VEGFC: variants seen among roughly 807,000 people sequenced by gnomAD.
VEGFC encodes FLT4 ligand DHM.
A neutral mutation model predicts 46.1 loss-of-function variants in VEGFC; 12 were observed. The observed-to-expected ratio is 0.26, with a 90% CI of 0.17 to 0.42. The LOEUF (loss-of-function observed/expected upper bound fraction) is 0.42, where lower values mean the gene tolerates loss of function less well. Among genes scored for constraint, VEGFC ranks in the 10% least tolerant of loss-of-function variants. The pLI, the probability that VEGFC is intolerant of heterozygous loss-of-function variation, is 1.00. For missense variants in VEGFC, 488 were observed against 529.4 expected, an observed-to-expected ratio of 0.92 and a Z score of 0.77; for synonymous variants, 232 against 195.5, an observed-to-expected ratio of 1.19 and a Z score of -1.56.
chr4:176,719,076 G>A (rs1196937139), intron 3 of VEGFC, among the ~76,000 whole-genome samples: 2 of 152,174 alleles, frequency 1.3e-5, no homozygotes, highest in Non-Finnish European at 2.9e-5. Flanking sequence ...ACTTTGGAAT[G>A]CACAGTGCAT....
At chr4:176,728,610 G>A (rs966339404) in intron 2 of VEGFC, among the ~76,000 whole-genome samples, 2 of 152,078 alleles carry the variant, frequency 1.3e-5, no homozygotes, top group Non-Finnish European at 2.9e-5. Context: ...TGTTTCTGAT[G>A]AGTTAGTAGC....
chr4:176,708,298 A>G (rs1579098530), intron 4 of VEGFC, among the ~76,000 whole-genome samples: 4 of 152,000 alleles, frequency 2.6e-5, no homozygotes, highest in Non-Finnish European at 5.9e-5. Flanking sequence ...CCTGGCAAAT[A>G]CAATTATAAA....
rs370593251 is a variant in VEGFC, at chr4:176,692,487, G to A, written c.705-4560C>T. Among the ~76,000 whole-genome samples the A allele has an allele frequency of 5.9e-5, 8 of 134,572 alleles. 3 individuals are homozygous for A. Among genetic ancestry groups the A allele is most frequent in the Non-Finnish European group, 1.1e-4 (7 of 66,332 alleles). 88.3% of individuals were successfully genotyped at this position (134,572 alleles called of 152,430 possible). The stretch of plus-strand genomic sequence containing the variant: ...GGCTCGAGGGTCCTACGCCCACGGA[G>A]TCTCGCTGATTGCTAGCACAGCAGT... On this transcript the variant is annotated intron_variant, in intron 4 of 6. Coordinates refer to ENST00000618562, the MANE Select transcript of VEGFC (RefSeq NM_005429.5).
At chr4:176,696,165 A>G (rs1439033769) in intron 4 of VEGFC, among the ~76,000 whole-genome samples, 1 of 144,432 alleles carries the variant, frequency 6.9e-6, no homozygotes, top group African/African-American at 2.6e-5. Flanking sequence ...AATAAAGGGT[A>G]TTCAATTAGG....
At chr4:176,710,433 T>C (rs1368002947) in intron 4 of VEGFC, among the ~76,000 whole-genome samples, 1 of 152,122 alleles carries the variant, frequency 6.6e-6, no homozygotes, top group Non-Finnish European at 1.5e-5. Flanking sequence ...AGGGGACAGA[T>C]CTCTGTCACT....
At chr4:176,753,566 G>T (rs972502119) in intron 1 of VEGFC, among the ~76,000 whole-genome samples, 1 of 152,092 alleles carries the variant, frequency 6.6e-6, no homozygotes, top group Non-Finnish European at 1.5e-5. Flanking sequence ...GAAATTGAGA[G>T]TTAGAACAGT....
At chr4:176,704,396 T>A (rs1380507505) in intron 4 of VEGFC, among the ~76,000 whole-genome samples, 1 of 152,144 alleles carries the variant, frequency 6.6e-6, no homozygotes, top group Non-Finnish European at 1.5e-5. Flanking sequence ...TGTTAAAAAC[T>A]CAGTTCTCCT....
At position 176,729,577 on chromosome 4, in the gene VEGFC, G is replaced by C; in HGVS notation, c.317C>G (p.Thr106Ser). The C allele has an allele frequency of 6.2e-7, 1 of 1,613,634 alleles. No individual in the cohort carries two copies. Among genetic ancestry groups the C allele is most frequent in the Non-Finnish European group, 8.5e-7 (1 of 1,179,882 alleles). Residue 106 changes from threonine (T) to serine (S), a missense_variant, in exon 2 of 7, where the codon ACT becomes AGT. Transcript: ENST00000618562. Reference protein sequence around the residue: ...QANLNSRTEETIKFAAAHYNT... With the variant: ...QANLNSRTEESIKFAAAHYNT... Reference sequence around the variant, plus strand: ...ATAATGTGCTGCAGCAAATTTTATAGTCTCTTCTGTCCTTGAGTTGAGGTT... The same window carrying C: ...ATAATGTGCTGCAGCAAATTTTATACTCTCTTCTGTCCTTGAGTTGAGGTT...
intron 1 of VEGFC, among the ~76,000 whole-genome samples, chr4:176,785,035 A>AGTCACTGAAACAGTGAAACTCACT (rs1179309584): frequency 1.3e-5 from 2 of 152,052 alleles, no homozygotes; most frequent in African/African-American, 2.4e-5. Context: ...GACTGAAACA[A>AGTCACTGAAACAGTGAAACTCACT]GCAGAAATAT....
At chr4:176,693,871 CA>C (rs1214885087) in intron 4 of VEGFC, among the ~76,000 whole-genome samples, 1 of 150,806 alleles carries the variant, frequency 6.6e-6, no homozygotes, top group Non-Finnish European at 1.5e-5. Context: ...CATATCCAGC[CA>C]AAATAAGCTT....
At chr4:176,715,047 TA>T (rs35673515) in intron 3 of VEGFC, among the ~76,000 whole-genome samples, 9,002 of 152,196 alleles carry the variant, frequency 0.059, 904 homozygotes, top group African/African-American at 0.2. Context: ...TGAAGACTTT[TA>T]TAAGTGGTAA....
At chr4:176,694,101 A>G (rs1424689422) in intron 4 of VEGFC, among the ~76,000 whole-genome samples, 2 of 151,764 alleles carry the variant, frequency 1.3e-5, no homozygotes, top group Non-Finnish European at 2.9e-5. Flanking sequence ...CTAACATCAT[A>G]ATGACAGGAT....
intron 4 of VEGFC, among the ~76,000 whole-genome samples, chr4:176,708,351 GTTAAC>G (rs1410132111): frequency 6.6e-6 from 1 of 151,840 alleles, no homozygotes; most frequent in Non-Finnish European, 1.5e-5. Flanking sequence ...TAATTTAAAT[GTTAAC>G]TTAAACATTT....
At chr4:176,688,349 T>G (rs886897403) in intron 4 of VEGFC, among the ~76,000 whole-genome samples, 1 of 152,210 alleles carries the variant, frequency 6.6e-6, no homozygotes, top group Non-Finnish European at 1.5e-5. Flanking sequence ...ATACAAAAGA[T>G]GTACCATTAT....
At chr4:176,715,060 A>T (rs1004236266) in intron 3 of VEGFC, among the ~76,000 whole-genome samples, 1 of 152,178 alleles carries the variant, frequency 6.6e-6, no homozygotes, top group African/African-American at 2.4e-5. Flanking sequence ...AAGTGGTAAA[A>T]TGGAAGACTT....
chr4:176,744,048 T>G (rs1306731566), intron 1 of VEGFC, among the ~76,000 whole-genome samples: 1 of 152,058 alleles, frequency 6.6e-6, no homozygotes, highest in African/African-American at 2.4e-5. Context: ...ATTCATTACC[T>G]GACTCAAAAT....
chr4:176,756,107 A>C (rs1333038061), intron 1 of VEGFC, among the ~76,000 whole-genome samples: 1 of 152,078 alleles, frequency 6.6e-6, no homozygotes, highest in East Asian at 1.9e-4. Flanking sequence ...AAATAACTGG[A>C]TAACCCTGGG....
At chr4:176,711,942 T>A (rs1339413649) in intron 3 of VEGFC, among the ~76,000 whole-genome samples, 1 of 152,064 alleles carries the variant, frequency 6.6e-6, no homozygotes, top group African/African-American at 2.4e-5. Context: ...GACAGAACAA[T>A]GTGTTCAAGA....
At chr4:176,684,591 G>T (rs1484219442) in intron 6 of VEGFC, among the ~76,000 whole-genome samples, 1 of 152,150 alleles carries the variant, frequency 6.6e-6, no homozygotes, top group Admixed American at 6.5e-5. Context: ...AGGCATTCTG[G>T]GGCAGGGAGG....
Sources: allele counts gnomAD v4.1 joint callset (sites outside exome capture counted in the v4.1 genomes callset), GRCh38; gene constraint gnomAD v4.1.1; transcripts MANE v1.5; gene names NCBI Gene and HGNC (gene_info 2026-07-23, HGNC 2026-07-21).